SASH1: variants seen among roughly 807,000 people sequenced by gnomAD.
SASH1 encodes the protein SAM and SH3 domain-containing protein 1.
Under a neutral mutation model 125.2 loss-of-function variants are expected in SASH1, and 44 were observed. That is an observed-to-expected ratio of 0.35 (90% CI 0.28 to 0.45). SASH1 has a LOEUF of 0.45. SASH1 is among the 20% of genes least tolerant of loss of function. The pLI is 1.00. For synonymous variants in SASH1, 639 were observed against 649.1 expected (o/e 0.98, Z 0.24); for missense variants, 1,426 against 1,614.5 (o/e 0.88, Z 2.00).
the SASH1 span, among the ~76,000 whole-genome samples, chr6:148,233,534 G>A: frequency 6.6e-6 from 1 of 151,948 alleles, no homozygotes; most frequent in Non-Finnish European, 1.5e-5. Flanking sequence ...ATCAACTCCT[G>A]CTTTCATGGT....
At chr6:148,284,548 T>C (rs1779434104) in intron 1 of SASH1, among the ~76,000 whole-genome samples, 1 of 152,242 alleles carries the variant, frequency 6.6e-6, no homozygotes, top group African/African-American at 2.4e-5. Context: ...ATTGCTTTGT[T>C]TCCTGTTAGT....
intron 1 of SASH1, among the ~76,000 whole-genome samples, chr6:148,344,990 G>A (rs1023240428): frequency 3.3e-5 from 5 of 152,132 alleles, no homozygotes; most frequent in African/African-American, 1.2e-4. Flanking sequence ...TCCTGACCTT[G>A]TGATCTGCCC....
intron 9 of SASH1, among the ~76,000 whole-genome samples, chr6:148,515,189 AATAAG>A (rs1264051298): frequency 9.8e-5 from 15 of 152,342 alleles, no homozygotes; most frequent in African/African-American, 2.9e-4. Context: ...AAAATGAAAG[AATAAG>A]ATAAGATTTT....
chr6:148,471,867 C>G (rs1778133973), intron 6 of SASH1, among the ~76,000 whole-genome samples: 1 of 152,250 alleles, frequency 6.6e-6, no homozygotes, highest in South Asian at 2.1e-4. Flanking sequence ...GTTTGGGGCT[C>G]TCCTGTCCGC....
At position 148,544,443 on chromosome 6, in the gene SASH1, G is replaced by C. The variant is rs937657611; in HGVS notation, c.2973G>C (p.Lys991Asn). ...AGCCTCCACCTGTTCCTGCCAAAAA[G>C]AGCAGAGAACGCCTTGCTAACGGAC... ...PSQPPPVPAK[K>N]SRERLANGLH... Residue 991 changes from lysine (K) to asparagine (N), a missense_variant, in exon 18 of 20, where the codon AAG becomes AAC. By Grantham distance (94) the Lys-to-Asn change is moderately conservative. Transcript: ENST00000367467. The surrounding 1 kb of genome is among the most constrained non-coding windows in gnomAD (Gnocchi z 6.4). 2 of 1,614,074 alleles carry C rather than the reference G, an allele frequency of 1.2e-6. No individual in the cohort carries two copies. Among genetic ancestry groups the C allele is most frequent in the East Asian group, 2.2e-5 (1 of 44,886 alleles).
intron 1 of SASH1, among the ~76,000 whole-genome samples, chr6:148,304,177 G>A (rs1780054953): frequency 6.6e-6 from 1 of 152,106 alleles, no homozygotes; most frequent in Non-Finnish European, 1.5e-5. Context: ...AGTGGCTCAC[G>A]CCTGTAATCC....
chr6:148,330,741 A>G (rs1210133441), intron 1 of SASH1, among the ~76,000 whole-genome samples: 1 of 152,090 alleles, frequency 6.6e-6, no homozygotes, highest in Non-Finnish European at 1.5e-5. Flanking sequence ...GCCTGCCACC[A>G]CGACCGGCTA....
intron 1 of SASH1, among the ~76,000 whole-genome samples, chr6:148,347,254 A>G (rs1463287031): frequency 1.3e-5 from 2 of 152,096 alleles, no homozygotes; most frequent in South Asian, 2.1e-4. Context: ...GTAAGTGCCT[A>G]TTGTTTGCAG....
intron 6 of SASH1, among the ~76,000 whole-genome samples, chr6:148,473,358 A>G (rs1291532277): frequency 1.3e-5 from 2 of 150,770 alleles, no homozygotes; most frequent in Non-Finnish European, 3.0e-5. Context: ...GTTCAAAGCA[A>G]TTCTCCTGCT....
At chr6:148,342,150 G>A (rs1363825017), upstream of SASH1, among the ~76,000 whole-genome samples, 1 of 152,192 alleles carries the variant, frequency 6.6e-6, no homozygotes, top group Non-Finnish European at 1.5e-5. Flanking sequence ...CCCTAGCAAT[G>A]CATGGCATTG....
At position 148,506,503 on chromosome 6, in the gene SASH1, A is replaced by C. The variant is rs117168243; in HGVS notation, c.730-7821A>C. ...TAATAATATTAATAGTAATAGTAAA[A>C]ATATTAAGTCCTTATTGAACTCCAG... On this transcript the variant is annotated intron_variant, in intron 8 of 19. Transcript: ENST00000367467. Among the ~76,000 whole-genome samples, 500 of 152,150 alleles carry C rather than the reference A, an allele frequency of 3.3e-3. 3 individuals are homozygous for C. The highest frequency in any genetic ancestry group is 5.0e-3 in the Non-Finnish European group (338 of 67,976).
chr6:148,358,896 C>T (rs1303347138), intron 1 of SASH1, among the ~76,000 whole-genome samples: 5 of 151,732 alleles, frequency 3.3e-5, no homozygotes, highest in African/African-American at 7.3e-5. Flanking sequence ...TCACCACACC[C>T]GGCTAATTTT....
the SASH1 span, among the ~76,000 whole-genome samples, chr6:148,234,704 G>A: frequency 2.0e-4 from 31 of 152,162 alleles, no homozygotes; most frequent in East Asian, 6.0e-3. Context: ...GCAGACACCT[G>A]TAATCCCAGC....
intron 9 of SASH1, among the ~76,000 whole-genome samples, chr6:148,517,520 G>C (rs950141489): frequency 6.6e-6 from 1 of 152,162 alleles, no homozygotes; most frequent in Non-Finnish European, 1.5e-5. Context: ...TGGGAGAAGC[G>C]ATGCTCCAAG....
At chr6:148,399,214 C>CTTTTTTTTTTTTTTTTTTTTTTTT (rs371374910) in intron 2 of SASH1, among the ~76,000 whole-genome samples, 5 of 106,672 alleles carry the variant, frequency 4.7e-5, no homozygotes, top group Non-Finnish European at 9.4e-5. Context: ...ATTTCAGCTT[C>CTTTTTTTTTTTTTTTTTTTTTTTT]TTTTTTTTTT....
At chr6:148,471,064 T>C (rs1240387558) in intron 5 of SASH1, among the ~76,000 whole-genome samples, 1 of 152,062 alleles carries the variant, frequency 6.6e-6, no homozygotes, top group African/African-American at 2.4e-5. Context: ...TAATTGTGGC[T>C]AAGACCAAAG....
chr6:148,307,108 CTCTT>C lies in SASH1; in HGVS notation n.74+34741_74+34744del, dbSNP rs1486411920. Among the ~76,000 whole-genome samples, 5 of 133,152 alleles carry C rather than the reference CTCTT, an allele frequency of 3.8e-5. 1 individual carries two copies. The highest frequency in any genetic ancestry group is 5.8e-5 in the African/African-American group (2 of 34,420). The allele number at this position is 133,152 out of a possible 152,430, so 87.4% of individuals were successfully genotyped here. A position where few individuals can be genotyped will look rare whatever the true frequency, so the allele number is the denominator to read the frequency against. ...TCTTTCTTTCTTTCTCTCTCTCTGT[CTCTT>C]TCTTTCTTTTCTTTCTTATTTTTTG... is the stretch of plus-strand genomic sequence containing the variant. On this transcript the variant is annotated intron_variant and non_coding_transcript_variant, in intron 1 of 3. Coordinates refer to the SASH1 transcript ENST00000367469.
In SASH1 at chr6:148,440,423, T is replaced by G. The variant is rs994834858; in HGVS notation, c.386+16T>G. The G allele has an allele frequency of 6.2e-7, 1 of 1,611,326 alleles. No individual in the cohort carries two copies. Among genetic ancestry groups the G allele is most frequent in the Admixed American group, 1.7e-5 (1 of 59,978 alleles). On this transcript the variant is annotated intron_variant, in intron 4 of 19. Transcript: ENST00000367467. Reference sequence around the variant, plus strand: ...TGGAAAGAAAGTAAGTCTTTCTCCCTCTGCCCAGGACCACCTTCCAAGAAG... The same window carrying G: ...TGGAAAGAAAGTAAGTCTTTCTCCCGCTGCCCAGGACCACCTTCCAAGAAG...
chr6:148,215,428 AC>A, the SASH1 span, among the ~76,000 whole-genome samples: 3 of 152,158 alleles, frequency 2.0e-5, no homozygotes, highest in African/African-American at 7.2e-5. Flanking sequence ...GGTTGATAAG[AC>A]CTAATATGTT....
Sources: allele counts gnomAD v4.1 joint callset (sites outside exome capture counted in the v4.1 genomes callset), GRCh38; gene constraint gnomAD v4.1.1; non-coding constraint Gnocchi (gnomAD v3.1); transcripts MANE v1.5; gene names NCBI Gene and HGNC (gene_info 2026-07-23, HGNC 2026-07-21).